RORA: variants seen among roughly 807,000 people sequenced by gnomAD.
The protein encoded by RORA is nuclear receptor ROR-alpha.
In RORA, 7 loss-of-function variants were observed where a neutral mutation model predicts 69.5. The observed-to-expected ratio is 0.10, with a 90% CI of 0.06 to 0.19. The LOEUF (loss-of-function observed/expected upper bound fraction) is 0.19. RORA is among the 10% of genes least tolerant of loss of function. The pLI, the probability that RORA is intolerant of heterozygous loss-of-function variation, is 1.00. For missense variants in RORA, 457 were observed against 663.0 expected (o/e 0.69, Z 3.41); for synonymous variants, 261 against 240.8 (o/e 1.08, Z -0.78).
At chr15:60,865,583 C>T (rs1349498639) in intron 1 of RORA, among the ~76,000 whole-genome samples, 1 of 152,154 alleles carries the variant, frequency 6.6e-6, no homozygotes, top group African/African-American at 2.4e-5. Context: ...CCTCTGTAGA[C>T]ACATGAAACT....
At chr15:60,616,107 A>T (rs2069234788) in intron 2 of RORA, among the ~76,000 whole-genome samples, 1 of 152,206 alleles carries the variant, frequency 6.6e-6, no homozygotes. Context: ...ATACACTCAC[A>T]TGCATAAAAC....
At chr15:60,802,738 C>T (rs573230378) in intron 1 of RORA, among the ~76,000 whole-genome samples, 2 of 152,226 alleles carry the variant, frequency 1.3e-5, no homozygotes, top group East Asian at 3.9e-4. Context: ...TCTATGTCTA[C>T]AGAGATGAAA....
intron 1 of RORA, among the ~76,000 whole-genome samples, chr15:61,081,324 G>A (rs959224375): frequency 6.6e-6 from 1 of 151,790 alleles, no homozygotes; most frequent in Admixed American, 6.6e-5. Context: ...TAACCTTTAG[G>A]GATTTATATT....
chr15:60,858,927 A>G (rs2073408889), intron 1 of RORA, among the ~76,000 whole-genome samples: 1 of 152,070 alleles, frequency 6.6e-6, no homozygotes, highest in Non-Finnish European at 1.5e-5. Flanking sequence ...GCCCTTGGAA[A>G]TAAGTGATTG....
chr15:60,699,624 G>C (rs1160931896), intron 1 of RORA, among the ~76,000 whole-genome samples: 1 of 152,054 alleles, frequency 6.6e-6, no homozygotes, highest in Non-Finnish European at 1.5e-5. Context: ...TGTTTTTACT[G>C]AGTAAACCTG....
At chr15:61,010,049 C>T (rs145382445) in intron 1 of RORA, among the ~76,000 whole-genome samples, 43 of 152,266 alleles carry the variant, frequency 2.8e-4, no homozygotes, top group Non-Finnish European at 8.8e-5. Context: ...TGTTTAACTG[C>T]TATTTTTTAT....
rs2065685513 is a variant in RORA at position 60,511,170 on chromosome 15, C to G, written c.820+56G>C. On this transcript the variant is annotated intron_variant, in intron 5 of 10. Transcript: ENST00000335670. The surrounding 1 kb of genome is among the most constrained non-coding windows in gnomAD (Gnocchi z 6.4). Reference sequence around the variant, plus strand: ...CATTAGAGGAAAGTCAGACATACCCCTTTTACTTCAAAGGGCATGAATAGA... The same window carrying G: ...CATTAGAGGAAAGTCAGACATACCCGTTTTACTTCAAAGGGCATGAATAGA... 3.9e-6 allele frequency: 6 copies of G among 1,540,830 alleles called. No homozygotes were observed. Among genetic ancestry groups the G allele is most frequent in the Non-Finnish European group, 5.3e-6 (6 of 1,139,024 alleles).
At chr15:60,986,806 G>A (rs1484995840) in intron 1 of RORA, among the ~76,000 whole-genome samples, 2 of 152,196 alleles carry the variant, frequency 1.3e-5, no homozygotes, top group African/African-American at 4.8e-5. Context: ...CAGTAGGATT[G>A]TAGAAGTACG....
intron 3 of RORA, among the ~76,000 whole-genome samples, chr15:60,516,425 C>T (rs1487998603): frequency 6.8e-6 from 1 of 147,402 alleles, no homozygotes; most frequent in Non-Finnish European, 1.5e-5. Flanking sequence ...CTTTCAGTGG[C>T]TTTGCAAGCT....
intron 3 of RORA, among the ~76,000 whole-genome samples, chr15:60,519,635 A>G (rs866301448): frequency 6.6e-6 from 1 of 152,228 alleles, no homozygotes; most frequent in African/African-American, 2.4e-5. Flanking sequence ...CCCTCACTTT[A>G]GCACCTTTAG....
rs571886992 is a variant in RORA at position 60,935,641 on chromosome 15, A to ATGTT, written c.167-256959_167-256956dup. Among the ~76,000 whole-genome samples, 125 of 152,322 alleles carry ATGTT rather than the reference A, an allele frequency of 8.2e-4. 1 individual carries two copies. The highest frequency in any genetic ancestry group is 2.8e-3 in the African/African-American group (115 of 41,572). On this transcript the variant is annotated intron_variant, in intron 1 of 10. Transcript: ENST00000335670. Reference sequence around the variant, plus strand: ...AGCCCTCTCCATCCATTACTTATTTATGTTTCCCGCCTTTTGCTTAACCGG... The same window carrying ATGTT: ...AGCCCTCTCCATCCATTACTTATTTATGTTTGTTTCCCGCCTTTTGCTTAACCGG...
At chr15:60,787,584 C>G (rs1412691341) in intron 1 of RORA, among the ~76,000 whole-genome samples, 1 of 152,168 alleles carries the variant, frequency 6.6e-6, no homozygotes, top group African/African-American at 2.4e-5. Context: ...ATTCTGCAAC[C>G]CATACTGAGC....
At chr15:60,875,920 C>A (rs1310587886) in intron 1 of RORA, among the ~76,000 whole-genome samples, 6 of 152,136 alleles carry the variant, frequency 3.9e-5, no homozygotes, top group Non-Finnish European at 2.9e-5. Context: ...ACCCAAGGAG[C>A]CCTTTGAAAT....
chr15:60,572,502 A>ACCG (rs2067911777), intron 2 of RORA, among the ~76,000 whole-genome samples: 1 of 142,890 alleles, frequency 7.0e-6, no homozygotes, highest in Non-Finnish European at 1.5e-5. Context: ...TACCATTGGT[A>ACCG]GCAAGAAAAA....
intron 1 of RORA, among the ~76,000 whole-genome samples, chr15:61,103,691 C>T (rs1018518001): frequency 1.3e-5 from 2 of 152,208 alleles, no homozygotes; most frequent in East Asian, 3.9e-4. Context: ...TTCACACTGT[C>T]CTGGCAACTC....
In RORA at chr15:60,944,978, T is replaced by C. The variant is rs576615748; in HGVS notation, c.167-266292A>G. Among the ~76,000 whole-genome samples, 16 of 152,206 alleles carry C rather than the reference T, an allele frequency of 1.1e-4. No homozygotes were observed. In the East Asian group the frequency reaches 3.1e-3, roughly 29 times the overall value. ...GTCCACAGCTCAGAGATATAACAGA[T>C]GCCCGATAGGAGCAAAATGAAAGAT... On this transcript the variant is annotated intron_variant, in intron 1 of 10. Transcript: ENST00000335670.
At chr15:60,712,511 G>C (rs146472850) in intron 1 of RORA, among the ~76,000 whole-genome samples, 1 of 152,232 alleles carries the variant, frequency 6.6e-6, no homozygotes, top group Non-Finnish European at 1.5e-5. Context: ...TGATGGTTTG[G>C]ATTTATTTTG....
intron 2 of RORA, among the ~76,000 whole-genome samples, chr15:60,636,518 T>G (rs1223612209): frequency 6.6e-6 from 1 of 152,224 alleles, no homozygotes; most frequent in African/African-American, 2.4e-5. Context: ...ATAGTACCAC[T>G]CTTGGCTTAG....
At chr15:61,159,062 A>T (rs1596035139) in intron 1 of RORA, among the ~76,000 whole-genome samples, 1 of 152,296 alleles carries the variant, frequency 6.6e-6, no homozygotes, top group South Asian at 2.1e-4. Flanking sequence ...AGCTAGACAT[A>T]GGTAGATATA....
Sources: allele counts gnomAD v4.1 joint callset (sites outside exome capture counted in the v4.1 genomes callset), GRCh38; gene constraint gnomAD v4.1.1; non-coding constraint Gnocchi (gnomAD v3.1); transcripts MANE v1.5; gene names NCBI Gene and HGNC (gene_info 2026-07-23, HGNC 2026-07-21).